Variants in PDE6D observed in about 807,000 individuals in gnomAD.
PDE6D encodes retinal rod rhodopsin-sensitive cGMP 3',5'-cyclic phosphodiesterase subunit delta.
In PDE6D, 10 loss-of-function variants were observed where a neutral mutation model predicts 21.9. The observed-to-expected ratio is 0.46, with a 90% confidence interval of 0.28 to 0.78. The LOEUF (loss-of-function observed/expected upper bound fraction) is 0.78, where lower values mean the gene tolerates loss of function less well. Among genes scored for constraint, PDE6D ranks in the 30% least tolerant of loss-of-function variants. The pLI is 0.12. For missense variants in PDE6D, 139 were observed against 184.8 expected (o/e 0.75, Z 1.44); for synonymous variants, 59 against 63.5 (o/e 0.93, Z 0.34).
chr2:231,737,709 C>T, intron 3 of PDE6D: 1 of 343,640 alleles, frequency 2.9e-6, no homozygotes, highest in Non-Finnish European at 5.3e-6. Context: ...GTATGTAGAG[C>T]ACTGTACTAG....
chr2:231,734,484 A>C (rs1351652570), intron 4 of PDE6D, among the ~76,000 whole-genome samples: 1 of 151,370 alleles, frequency 6.6e-6, no homozygotes, highest in African/African-American at 2.4e-5. Context: ...TTCCTAAACT[A>C]CTCTGTACTT....
intron 1 of PDE6D, among the ~76,000 whole-genome samples, chr2:231,756,535 C>T (rs1298835486): frequency 6.6e-6 from 1 of 151,790 alleles, no homozygotes; most frequent in East Asian, 1.9e-4. Context: ...CTCCTGGGTG[C>T]CAGCAATTCT....
At chr2:231,736,415 G>A (rs997251016) in intron 4 of PDE6D, among the ~76,000 whole-genome samples, 1 of 152,094 alleles carries the variant, frequency 6.6e-6, no homozygotes, top group African/African-American at 2.4e-5. Context: ...CTGGGTTCAA[G>A]CAATTCTCCT....
intron 1 of PDE6D, among the ~76,000 whole-genome samples, chr2:231,755,845 C>T (rs1288808328): frequency 2.6e-5 from 4 of 151,694 alleles, no homozygotes; most frequent in African/African-American, 7.3e-5. Flanking sequence ...ACTTGAACTT[C>T]GGAGGCAGAG....
intron 3 of PDE6D, 33 bp from the exon 4 acceptor site, chr2:231,737,325 G>A (rs1248024081): frequency 4.2e-6 from 5 of 1,196,588 alleles, no homozygotes; most frequent in Middle Eastern, 1.9e-4. Context: ...GGGTGAGCAG[G>A]TGCCCCAGTA....
In PDE6D at chr2:231,741,113, CAA is replaced by C. The variant is rs56947117; in HGVS notation, c.51-1927_51-1926del. Among the ~76,000 whole-genome samples, 520 of 54,870 alleles carry C rather than the reference CAA, an allele frequency of 9.5e-3. 2 individuals carry two copies. Among genetic ancestry groups the C allele is most frequent in the African/African-American group, 0.018 (246 of 13,526 alleles). 36.0% of individuals were successfully genotyped at this position (54,870 alleles called of 152,430 possible). A position where few individuals can be genotyped will look rare whatever the true frequency, so the allele number is the denominator to read the frequency against. On this transcript the variant is annotated intron_variant, in intron 1 of 4. Transcript: ENST00000287600. ...CCTCAACAAGAGCGAAACCCTGTCTCAAAAAAAAAAAAAAAAAAAAAAAAAGG... is the reference window on the plus strand; with the variant it reads ...CCTCAACAAGAGCGAAACCCTGTCTCAAAAAAAAAAAAAAAAAAAAAAAGG...
intron 1 of PDE6D, among the ~76,000 whole-genome samples, chr2:231,759,088 C>T (rs1343499049): frequency 6.6e-6 from 1 of 151,944 alleles, no homozygotes; most frequent in Non-Finnish European, 1.5e-5. Flanking sequence ...GAGGCTGAGG[C>T]AGGAAGACTG....
rs972122791 is a variant in PDE6D, at chr2:231,739,613, A to G, written c.51-425T>C. On this transcript the variant is annotated intron_variant, in intron 1 of 4. Transcript: ENST00000287600. The surrounding 1 kb of genome is among the most constrained non-coding windows in gnomAD (Gnocchi z 4.2). ...TTCACCCACAAGCACAGAACTCTCA[A>G]ATTGCTTTGTAGTGGCCCCCTCTGT... Among the ~76,000 whole-genome samples, 6 of 151,062 alleles carry G rather than the reference A, an allele frequency of 4.0e-5. 1 individual carries two copies. Among genetic ancestry groups the G allele is most frequent in the East Asian group, 1.9e-4 (1 of 5,162 alleles).
intron 1 of PDE6D, among the ~76,000 whole-genome samples, chr2:231,766,446 G>C (rs1229437663): frequency 6.6e-6 from 1 of 152,162 alleles, no homozygotes; most frequent in Admixed American, 6.5e-5. Flanking sequence ...TATCCAAAGA[G>C]ATTCTTAGAG....
chr2:231,759,953 G>T (rs980913169), intron 1 of PDE6D, among the ~76,000 whole-genome samples: 4 of 152,108 alleles, frequency 2.6e-5, no homozygotes, highest in Non-Finnish European at 5.9e-5. Flanking sequence ...CCATAGAAAT[G>T]AGAAATGTTT....
chr2:231,754,909 C>A (rs534629755), intron 1 of PDE6D, among the ~76,000 whole-genome samples: 71 of 152,108 alleles, frequency 4.7e-4, no homozygotes, highest in Non-Finnish European at 9.3e-4. Flanking sequence ...TTATTTCTTA[C>A]AATGAACTAA....
intron 4 of PDE6D, among the ~76,000 whole-genome samples, chr2:231,735,827 C>T (rs371512662): frequency 1.3e-5 from 2 of 151,696 alleles, no homozygotes; most frequent in East Asian, 3.9e-4. Context: ...AGTTCGAGAC[C>T]AGCTTGACCA....
intron 1 of PDE6D, among the ~76,000 whole-genome samples, chr2:231,771,029 G>T (rs2049011513): frequency 6.6e-6 from 1 of 151,580 alleles, no homozygotes; most frequent in African/African-American, 2.4e-5. Context: ...GAGAGGCTGA[G>T]GTGGGAGGAT....
chr2:231,742,878 C>T (rs893526298), intron 1 of PDE6D, among the ~76,000 whole-genome samples: 3 of 152,076 alleles, frequency 2.0e-5, no homozygotes, highest in Non-Finnish European at 1.5e-5. Flanking sequence ...ACAGGACTTT[C>T]GAGGGAGTTG....
chr2:231,744,690 C>T lies in PDE6D; in HGVS notation c.51-5502G>A, dbSNP rs531054403. ...TGAGGTGATCTGCCTGCCTCGGCCT[C>T]CCAAAATGCTGGGATTACAGGCGTT... On this transcript the variant is annotated intron_variant, in intron 1 of 4. Coordinates refer to ENST00000287600, the MANE Select transcript of PDE6D (RefSeq NM_002601.4). 2.4e-3 allele frequency among the ~76,000 whole-genome samples: 360 copies of T among 152,178 alleles called. 3 individuals carry two copies. The highest frequency in any genetic ancestry group is 7.8e-3 in the African/African-American group (325 of 41,514).
Position 231,781,178 on chromosome 2 carries a change from A to AGGAGCCGAGGAT in PDE6D, c.-76_-65dup. 1 of 1,534,478 alleles carries AGGAGCCGAGGAT rather than the reference A, an allele frequency of 6.5e-7. No homozygotes were observed. The highest frequency in any genetic ancestry group is 1.1e-5 in the South Asian group (1 of 88,376). On this transcript the variant is annotated 5_prime_UTR_variant, in exon 1 of 5. Coordinates refer to ENST00000287600, the MANE Select transcript of PDE6D (RefSeq NM_002601.4). ...CGGCGGAGCCTCGCAGACGGTGCCC[A>AGGAGCCGAGGAT]GGAGCCGAGGATGGAGCCGCAGCCC...
At chr2:231,743,565 C>G (rs183315100) in intron 1 of PDE6D, among the ~76,000 whole-genome samples, 4 of 151,948 alleles carry the variant, frequency 2.6e-5, no homozygotes, top group Admixed American at 6.6e-5. Context: ...AATGTACTGT[C>G]GCTTTCAGAT....
At chr2:231,777,093 A>G (rs1236423588) in intron 1 of PDE6D, among the ~76,000 whole-genome samples, 1 of 152,174 alleles carries the variant, frequency 6.6e-6, no homozygotes, top group African/African-American at 2.4e-5. Context: ...AACGTGGAAA[A>G]CTGAGTACTA....
At chr2:231,777,785 G>A (rs752834093) in intron 1 of PDE6D, among the ~76,000 whole-genome samples, 4 of 152,158 alleles carry the variant, frequency 2.6e-5, no homozygotes, top group Non-Finnish European at 4.4e-5. Context: ...AATAGTACTG[G>A]AACTATTGGC....
Sources: allele counts gnomAD v4.1 joint callset (sites outside exome capture counted in the v4.1 genomes callset), GRCh38; gene constraint gnomAD v4.1.1; non-coding constraint Gnocchi (gnomAD v3.1); transcripts MANE v1.5; gene names NCBI Gene and HGNC (gene_info 2026-07-23, HGNC 2026-07-21).